The following SIK3 variants were observed in gnomAD, a reference collection of about 807,000 sequenced individuals.
SIK3 encodes the protein SIK family kinase 3, also known as serine/threonine-protein kinase SIK3.
SIK3 carries 28 observed loss-of-function variants against 144.2 expected under a neutral mutation model. The observed-to-expected ratio is 0.19, with a 90% CI of 0.14 to 0.27. The LOEUF is 0.27. Ranked by LOEUF, SIK3 falls within the 10% of genes least tolerant of loss-of-function variation. The probability of loss-of-function intolerance (pLI) is 1.00; values close to 1 mark genes in which losing one functional copy is unlikely to be tolerated. For missense variants in SIK3, 1,319 were observed against 1,776.0 expected, an observed-to-expected ratio of 0.74 and a Z score of 4.62; for synonymous variants, 686 against 676.3, an observed-to-expected ratio of 1.01 and a Z score of -0.22.
intron 4 of SIK3, among the ~76,000 whole-genome samples, chr11:116,915,270 C>A (rs1401805752): frequency 6.6e-6 from 1 of 151,744 alleles, no homozygotes; most frequent in Non-Finnish European, 1.5e-5. Flanking sequence ...CCTTGGCCTC[C>A]CAAAGTGCTG....
chr11:116,982,375 A>C (rs1171831171), intron 1 of SIK3, among the ~76,000 whole-genome samples: 2 of 146,056 alleles, frequency 1.4e-5, no homozygotes, highest in African/African-American at 2.6e-5. Flanking sequence ...TGCAACCTCC[A>C]CCTCCTGGGT....
At chr11:116,868,191 C>G (rs1049209601) in intron 14 of SIK3, 102 bp from the exon 15 acceptor site, 6 of 1,433,322 alleles carry the variant, frequency 4.2e-6, no homozygotes, top group Non-Finnish European at 5.7e-6. Flanking sequence ...TGAAATAGTG[C>G]CAGAGCTCAC....
Position 117,026,112 on chromosome 11 carries a change from C to T in SIK3, c.274-69048G>A, listed in dbSNP as rs182017312. ...AGGATATACAGTCGTGCACCATATA[C>T]CAACAGAGGTCCTGTAAGATGATAA... On this transcript the variant is annotated intron_variant, in intron 1 of 24. Coordinates refer to ENST00000445177, the MANE Select transcript of SIK3 (RefSeq NM_001366686.3). 9.3e-4 allele frequency among the ~76,000 whole-genome samples: 142 copies of T among 152,266 alleles called. 1 individual carries two copies. Among genetic ancestry groups the T allele is most frequent in the Admixed American group, 2.9e-3 (44 of 15,292 alleles).
At chr11:117,009,717 T>C (rs995908195) in intron 1 of SIK3, among the ~76,000 whole-genome samples, 15 of 152,194 alleles carry the variant, frequency 9.9e-5, no homozygotes, top group African/African-American at 3.6e-4. Flanking sequence ...ATCAAATCAA[T>C]ATAAAACCTT....
At position 116,843,416 on chromosome 11, in the gene SIK3, C is replaced by G. The variant is rs1591335850; in HGVS notation, c.*2227G>C. ...GACAAAAGGTCTTAGCAACTTGAGT[C>G]TGGAGATTTTTTTTTTAATCCTTTT... On this transcript the variant is annotated 3_prime_UTR_variant, in exon 25 of 25. Coordinates refer to ENST00000445177, the MANE Select transcript of SIK3 (RefSeq NM_001366686.3). 1 of 151,816 alleles carries G rather than the reference C, an allele frequency of 6.6e-6. No homozygotes were observed. The highest frequency in any genetic ancestry group is 1.5e-5 in the Non-Finnish European group (1 of 68,022). 9.4% of individuals were successfully genotyped at this position (151,816 alleles called of 1,614,324 possible).
chr11:116,953,695 C>T (rs1161169085), intron 3 of SIK3, among the ~76,000 whole-genome samples: 2 of 152,256 alleles, frequency 1.3e-5, no homozygotes, highest in South Asian at 2.1e-4. Context: ...CAGAGGCCCA[C>T]ACACTTGTGT....
In SIK3 at chr11:116,878,600, G is replaced by C. The variant is rs139650524; in HGVS notation, c.866-1558C>G. ...TCACCATGTTGGCCAGGCTGGTCTC[G>C]AACAACTGACCTCAAGTGATCCGCC... On this transcript the variant is annotated intron_variant, in intron 6 of 24. Coordinates refer to ENST00000445177, the MANE Select transcript of SIK3 (RefSeq NM_001366686.3). 1.6e-3 allele frequency among the ~76,000 whole-genome samples: 243 copies of C among 152,122 alleles called. 1 individual carries two copies. The highest frequency in any genetic ancestry group is 5.6e-3 in the African/African-American group (233 of 41,506).
chr11:117,049,948 A>G (rs1591610345), intron 1 of SIK3, among the ~76,000 whole-genome samples: 1 of 103,894 alleles, frequency 9.6e-6, no homozygotes, highest in African/African-American at 4.0e-5. Flanking sequence ...CGTCTGAGCG[A>G]AAACCTGTCT....
chr11:116,979,214 A>T (rs751422980), intron 1 of SIK3, among the ~76,000 whole-genome samples: 2 of 152,190 alleles, frequency 1.3e-5, no homozygotes, highest in African/African-American at 2.4e-5. Flanking sequence ...CAGGAGATAG[A>T]CAGTTCCTTG....
chr11:116,920,896 C>T (rs1384813295), intron 4 of SIK3, among the ~76,000 whole-genome samples: 1 of 152,184 alleles, frequency 6.6e-6, no homozygotes, highest in East Asian at 1.9e-4. Flanking sequence ...CTCTGAACTC[C>T]TATGCTAATT....
At chr11:117,050,405 G>A (rs976652245) in intron 1 of SIK3, among the ~76,000 whole-genome samples, 1 of 152,162 alleles carries the variant, frequency 6.6e-6, no homozygotes, top group Non-Finnish European at 1.5e-5. Flanking sequence ...TTCAAAATAA[G>A]CTGGGTGTGG....
Position 116,898,063 on chromosome 11 carries a change from C to T in SIK3, c.617-746G>A, listed in dbSNP as rs975756718. The stretch of plus-strand genomic sequence containing the variant: ...TATGTATACATGTGCCATGCTGGTG[C>T]GCTGCACCCACTAACTCGTCATCTA... On this transcript the variant is annotated intron_variant, in intron 4 of 24. Transcript: ENST00000445177. 1.1e-3 allele frequency among the ~76,000 whole-genome samples: 161 copies of T among 151,892 alleles called. 1 individual carries two copies. The highest frequency in any genetic ancestry group is 3.4e-3 in the African/African-American group (140 of 41,398).
intron 6 of SIK3, among the ~76,000 whole-genome samples, chr11:116,881,792 AT>A (rs1353130295): frequency 3.9e-5 from 6 of 152,210 alleles, no homozygotes; most frequent in Non-Finnish European, 7.3e-5. Context: ...CATTACTAAC[AT>A]TTATTGACCA....
At chr11:116,936,215 T>C (rs1295780075) in intron 3 of SIK3, among the ~76,000 whole-genome samples, 4 of 152,238 alleles carry the variant, frequency 2.6e-5, no homozygotes, top group Admixed American at 2.6e-4. Context: ...AGACTCACTT[T>C]GTCATCCAGG....
At chr11:117,073,373 G>C (rs959250768) in intron 1 of SIK3, among the ~76,000 whole-genome samples, 1 of 152,138 alleles carries the variant, frequency 6.6e-6, no homozygotes, top group African/African-American at 2.4e-5. Flanking sequence ...ATGTACAGCT[G>C]TGATTAGAAT....
At chr11:116,965,409 G>A (rs1258743246) in intron 1 of SIK3, among the ~76,000 whole-genome samples, 1 of 151,720 alleles carries the variant, frequency 6.6e-6, no homozygotes, top group African/African-American at 2.4e-5. Flanking sequence ...GAGGAAAAGA[G>A]AGTTGACAAT....
chr11:117,009,234 A>G (rs75262642), intron 1 of SIK3, among the ~76,000 whole-genome samples: 2 of 100,006 alleles, frequency 2.0e-5, no homozygotes, highest in East Asian at 3.0e-4. Context: ...CACTGTCTCA[A>G]AAAAAAAAAA....
chr11:117,043,350 AT>A (rs1244117153), intron 1 of SIK3, among the ~76,000 whole-genome samples: 2 of 152,180 alleles, frequency 1.3e-5, no homozygotes, highest in Non-Finnish European at 2.9e-5. Context: ...ACAAAAACTC[AT>A]TACCACATAA....
intron 6 of SIK3, among the ~76,000 whole-genome samples, chr11:116,893,169 G>A (rs1429378364): frequency 6.6e-6 from 1 of 152,202 alleles, no homozygotes; most frequent in Non-Finnish European, 1.5e-5. Context: ...CACAGAATGT[G>A]TAACACTGAG....
Sources: gnomAD v4.1 joint callset for allele counts (sites outside exome capture counted in the v4.1 genomes callset) on GRCh38, gnomAD v4.1.1 for gene constraint, MANE v1.5 for transcripts, NCBI Gene and HGNC (gene_info 2026-07-23, HGNC 2026-07-21) for gene names.